EGFLAM: variants seen among roughly 807,000 people sequenced by gnomAD.
The protein encoded by EGFLAM is pikachurin.
EGFLAM carries 79 observed loss-of-function variants against 113.1 expected under a neutral mutation model. The observed-to-expected ratio is 0.70, with a 90% CI of 0.58 to 0.84. EGFLAM has a LOEUF of 0.84. Among genes scored for constraint, EGFLAM ranks in the 40% least tolerant of loss-of-function variants. The probability of loss-of-function intolerance (pLI) is 0.00; values close to 1 mark genes in which losing one functional copy is unlikely to be tolerated. For synonymous variants in EGFLAM, 504 were observed against 487.6 expected (o/e 1.03, Z -0.44); for missense variants, 1,265 against 1,291.6 (o/e 0.98, Z 0.32).
At position 38,406,167 on chromosome 5, in the gene EGFLAM, A is replaced by G. The variant is rs201885393; in HGVS notation, c.754A>G (p.Ile252Val). Residue 252 changes from isoleucine to valine, a missense_variant, in exon 7 of 22, where the codon ATC becomes GTC. Physicochemically the swap from Ile to Val is conservative, Grantham distance 29. Transcript: ENST00000322350. ...AAGTGGCCGCTATGGACCCCGTTAT[A>G]TCACCGACATGGGAGCTGGTGAGGA... The part of the protein sequence containing the change: ...AGSGRYGPRY[I>V]TDMGAGEDDE... The G allele has an allele frequency of 3.7e-6, 6 of 1,614,122 alleles. No individual in the cohort carries two copies. The highest frequency in any genetic ancestry group is 1.1e-5 in the South Asian group (1 of 91,084).
chr5:38,412,684 A>G, intron 11 of EGFLAM, 36 bp downstream of exon 11: 21 of 1,604,868 alleles, frequency 1.3e-5, no homozygotes, highest in Non-Finnish European at 1.7e-5. Flanking sequence ...CACCCCACAT[A>G]CCACCCACCA....
In EGFLAM at chr5:38,461,931, C is replaced by T. The variant is rs547655861; in HGVS notation, c.2772-977C>T. ...CTGTAATCCCAGCACTTTGGGAGGC[C>T]GAGGAGGGCGGATCACTAGGTCAGG... On this transcript the variant is annotated intron_variant, in intron 20 of 21. Transcript: ENST00000322350. Among the ~76,000 whole-genome samples the T allele has an allele frequency of 5.1e-4, 77 of 152,018 alleles. 1 individual carries two copies. Among genetic ancestry groups the T allele is most frequent in the African/African-American group, 1.7e-3 (70 of 41,490 alleles).
intron 3 of EGFLAM, chr5:38,346,344 A>G (rs867805034): frequency 5.3e-5 from 8 of 152,162 alleles, no homozygotes; most frequent in Admixed American, 4.6e-4. Context: ...TTTTTTGTAC[A>G]TGTACTGGCC....
chr5:38,378,646 C>T (rs777857696), intron 6 of EGFLAM, among the ~76,000 whole-genome samples: 4 of 152,168 alleles, frequency 2.6e-5, no homozygotes, highest in Non-Finnish European at 5.9e-5. Flanking sequence ...AAGTTCTTGC[C>T]AACCTTTACA....
intron 16 of EGFLAM, among the ~76,000 whole-genome samples, chr5:38,437,549 T>G (rs1021697033): frequency 5.9e-5 from 9 of 152,000 alleles, no homozygotes; most frequent in Admixed American, 3.9e-4. Flanking sequence ...CTGAGGTGAC[T>G]CTCAAAAACT....
At chr5:38,397,913 A>G (rs533588239) in intron 6 of EGFLAM, among the ~76,000 whole-genome samples, 8 of 152,366 alleles carry the variant, frequency 5.3e-5, no homozygotes, top group Admixed American at 5.2e-4. Context: ...AATGTGAAGC[A>G]CAGATTGTCA....
At chr5:38,398,871 T>C (rs556193535) in intron 6 of EGFLAM, among the ~76,000 whole-genome samples, 1 of 152,232 alleles carries the variant, frequency 6.6e-6, no homozygotes, top group Admixed American at 6.5e-5. Flanking sequence ...AGAGAACCAT[T>C]CTTATTCTGG....
chr5:38,442,404 TA>T (rs201925268), intron 17 of EGFLAM, among the ~76,000 whole-genome samples: 1,860 of 147,898 alleles, frequency 0.013, 48 homozygotes, highest in African/African-American at 0.044. Flanking sequence ...GAAATTTTAA[TA>T]TATTAATTAT....
chr5:38,287,453 C>A (rs1375279852), intron 1 of EGFLAM, among the ~76,000 whole-genome samples: 1 of 152,126 alleles, frequency 6.6e-6, no homozygotes, highest in Non-Finnish European at 1.5e-5. Context: ...CTCACTGCAA[C>A]CTCTGCCTCC....
intron 1 of EGFLAM, among the ~76,000 whole-genome samples, chr5:38,302,709 C>CAAAAAAAA (rs56012054): frequency 4.3e-5 from 5 of 115,436 alleles, no homozygotes; most frequent in African/African-American, 8.8e-5. Flanking sequence ...GTCTGAGAAT[C>CAAAAAAAA]AAAAAAAAAA....
intron 5 of EGFLAM, among the ~76,000 whole-genome samples, chr5:38,358,140 C>G (rs1739812488): frequency 6.6e-6 from 1 of 151,270 alleles, no homozygotes; most frequent in Admixed American, 6.6e-5. Context: ...AAAGTGAGAC[C>G]TCTGGTTAAA....
At chr5:38,395,239 C>CT (rs1221649921) in intron 6 of EGFLAM, among the ~76,000 whole-genome samples, 3,621 of 114,660 alleles carry the variant, frequency 0.032, 242 homozygotes, top group African/African-American at 0.1. Flanking sequence ...CATGCCTAGC[C>CT]TTTTTTTTTT....
At chr5:38,416,467 G>A (rs1026126594) in intron 11 of EGFLAM, among the ~76,000 whole-genome samples, 1 of 152,212 alleles carries the variant, frequency 6.6e-6, no homozygotes, top group African/African-American at 2.4e-5. Flanking sequence ...GGGAGAATGT[G>A]AATTCCAGGG....
At chr5:38,352,157 C>T in intron 4 of EGFLAM, 39 bp from the exon 5 acceptor site, 3 of 1,612,930 alleles carry the variant, frequency 1.9e-6, no homozygotes, top group Non-Finnish European at 2.5e-6. Flanking sequence ...ACGGCTGAGA[C>T]CACCAGCCTA....
intron 5 of EGFLAM, among the ~76,000 whole-genome samples, chr5:38,353,972 C>T (rs1467676257): frequency 2.0e-5 from 3 of 152,132 alleles, no homozygotes; most frequent in African/African-American, 7.2e-5. Flanking sequence ...GTCACTGTGA[C>T]CCGAGTGGGA....
chr5:38,408,336 C>A (rs1398750753), intron 9 of EGFLAM, among the ~76,000 whole-genome samples: 3 of 152,210 alleles, frequency 2.0e-5, no homozygotes, highest in Non-Finnish European at 4.4e-5. Flanking sequence ...TTACGCAAGC[C>A]TTGCTTCGTG....
intron 10 of EGFLAM, among the ~76,000 whole-genome samples, chr5:38,412,205 G>A (rs1741503656): frequency 6.6e-6 from 1 of 152,150 alleles, no homozygotes; most frequent in Non-Finnish European, 1.5e-5. Flanking sequence ...CATGCAGGTA[G>A]CGAGCACAGT....
At chr5:38,449,160 C>T (rs1160034566) in intron 18 of EGFLAM, among the ~76,000 whole-genome samples, 1 of 152,208 alleles carries the variant, frequency 6.6e-6, no homozygotes, top group African/African-American at 2.4e-5. Flanking sequence ...CCCCTTTCTG[C>T]TCCCCACACA....
chr5:38,278,035 A>C (rs1342707454), intron 1 of EGFLAM, among the ~76,000 whole-genome samples: 1 of 152,206 alleles, frequency 6.6e-6, no homozygotes, highest in Non-Finnish European at 1.5e-5. Flanking sequence ...AATAGAAAAA[A>C]AAAATCCTAA....
Sources: gnomAD v4.1 joint callset for allele counts (sites outside exome capture counted in the v4.1 genomes callset) on GRCh38, gnomAD v4.1.1 for gene constraint, MANE v1.5 for transcripts, NCBI Gene and HGNC (gene_info 2026-07-23, HGNC 2026-07-21) for gene names.